Variants in ZMYM4 observed in about 807,000 individuals in gnomAD.
ZMYM4 encodes the protein zinc finger MYM-type protein 4.
ZMYM4 carries 31 observed loss-of-function variants against 183.2 expected under a neutral mutation model. The ratio of observed to expected loss-of-function variants is 0.17; its 90% CI spans 0.13 to 0.23. The LOEUF (loss-of-function observed/expected upper bound fraction) is 0.23. Among genes scored for constraint, ZMYM4 ranks in the 10% least tolerant of loss-of-function variants. The pLI, the probability that ZMYM4 is intolerant of heterozygous loss-of-function variation, is 1.00. For missense variants in ZMYM4, 1,273 were observed against 1,840.3 expected (o/e 0.69, Z 5.64); for synonymous variants, 592 against 631.2 (o/e 0.94, Z 0.93).
intron 26 of ZMYM4, among the ~76,000 whole-genome samples, chr1:35,409,145 C>T (rs769545171): frequency 5.8e-4 from 88 of 152,358 alleles, no homozygotes; most frequent in Admixed American, 9.1e-4. Flanking sequence ...AATATTCTAT[C>T]ATATGGATAT....
At chr1:35,372,466 C>A (rs1456287459) in intron 7 of ZMYM4, among the ~76,000 whole-genome samples, 1 of 152,086 alleles carries the variant, frequency 6.6e-6, no homozygotes, top group African/African-American at 2.4e-5. Flanking sequence ...AATATGGTGA[C>A]TGTAGTTAAT....
chr1:35,380,539 G>A (rs1016042287), intron 7 of ZMYM4, among the ~76,000 whole-genome samples: 4 of 152,102 alleles, frequency 2.6e-5, no homozygotes, highest in Non-Finnish European at 4.4e-5. Flanking sequence ...TGTTAGCCAG[G>A]ATGCTCTCGA....
At chr1:35,287,600 T>TTTTTA (rs912177984) in intron 1 of ZMYM4, among the ~76,000 whole-genome samples, 1 of 151,972 alleles carries the variant, frequency 6.6e-6, no homozygotes, top group East Asian at 1.9e-4. Context: ...TTTATTTTTA[T>TTTTTA]TTTTATTTTA....
At chr1:35,274,732 A>G (rs1188078198) in intron 1 of ZMYM4, among the ~76,000 whole-genome samples, 2 of 151,782 alleles carry the variant, frequency 1.3e-5, no homozygotes, top group African/African-American at 4.9e-5. Context: ...AATAATGATA[A>G]TACTTGGTAT....
intron 5 of ZMYM4, among the ~76,000 whole-genome samples, chr1:35,365,153 T>C (rs1331549295): frequency 6.6e-6 from 1 of 151,786 alleles, no homozygotes; most frequent in Non-Finnish European, 1.5e-5. Context: ...TTAACATTTA[T>C]AGGTGAGAGA....
In ZMYM4 at chr1:35,417,332, C is replaced by T. The variant is rs540752850; in HGVS notation, c.4310-1111C>T. 3.9e-5 allele frequency among the ~76,000 whole-genome samples: 6 copies of T among 152,092 alleles called. No homozygotes were observed. The South Asian group carries it at 8.3e-4, about 21-fold the overall frequency. ...TGGAAAAAGTGGGAAAGAAATAGCC[C>T]ACTTTCCGTATCTTCACCCTGACTT... On this transcript the variant is annotated intron_variant, in intron 28 of 29. Coordinates refer to ENST00000314607, the MANE Select transcript of ZMYM4 (RefSeq NM_005095.3).
intron 1 of ZMYM4, among the ~76,000 whole-genome samples, chr1:35,302,396 T>C (rs1641330804): frequency 7.1e-6 from 1 of 141,792 alleles, no homozygotes; most frequent in Admixed American, 7.0e-5. Flanking sequence ...TTTTTTTTTT[T>C]TTTTTTTGAG....
intron 1 of ZMYM4, among the ~76,000 whole-genome samples, chr1:35,301,919 G>A (rs573793240): frequency 2.0e-5 from 3 of 152,098 alleles, no homozygotes; most frequent in Admixed American, 6.6e-5. Context: ...GACTCACCTC[G>A]TTTGTTTCTC....
chr1:35,293,794 G>A (rs558503762), intron 1 of ZMYM4, among the ~76,000 whole-genome samples: 3 of 152,198 alleles, frequency 2.0e-5, no homozygotes, highest in South Asian at 2.1e-4. Context: ...CCTGGAGGTC[G>A]ATGCTAGGAA....
chr1:35,382,568 A>G (rs1267075290), intron 9 of ZMYM4, among the ~76,000 whole-genome samples: 2 of 149,238 alleles, frequency 1.3e-5, no homozygotes, highest in African/African-American at 2.5e-5. Context: ...TCAGCCTCCC[A>G]AGTAGCTAGG....
chr1:35,408,177 T>C lies in ZMYM4; in HGVS notation c.3948+18T>C, dbSNP rs761786042. Reference sequence around the variant, plus strand: ...TTCAACAGGTATCAAGTTAAACATATGGATTCTTCAACCTAGCAAATCCAT... The same window carrying C: ...TTCAACAGGTATCAAGTTAAACATACGGATTCTTCAACCTAGCAAATCCAT... On this transcript the variant is annotated intron_variant, in intron 26 of 29. Transcript: ENST00000314607. The C allele has an allele frequency of 1.2e-6, 2 of 1,613,676 alleles. No homozygotes were observed. Among genetic ancestry groups the C allele is most frequent in the Admixed American group, 3.3e-5 (2 of 60,010 alleles).
Position 35,419,564 on chromosome 1 carries a change from A to G in ZMYM4, c.4534A>G (p.Ile1512Val). ...CCCCATGTGGTACTCCACATTCCCG[A>G]TAGACCCTGGAACCCTGGACACCAT... Reference protein sequence around the residue: ...NSPMWYSTFPIDPGTLDTMLT... With the variant: ...NSPMWYSTFPVDPGTLDTMLT... The change falls in exon 30 of 30, where the codon ATA (isoleucine) becomes GTA (valine). Residue 1512 changes from isoleucine (I) to valine (V), a missense_variant. Around this residue, in one of 6 missense-constraint regions of ZMYM4, gnomAD observed 145 missense variants for 331.6 expected, o/e 0.44. Coordinates refer to ENST00000314607, the MANE Select transcript of ZMYM4 (RefSeq NM_005095.3). 2.5e-6 allele frequency: 4 copies of G among 1,614,108 alleles called. No homozygotes were observed. Among genetic ancestry groups the G allele is most frequent in the Non-Finnish European group, 3.4e-6 (4 of 1,180,024 alleles).
intron 29 of ZMYM4, among the ~76,000 whole-genome samples, chr1:35,419,015 A>C (rs1440611772): frequency 2.0e-5 from 3 of 152,152 alleles, no homozygotes; most frequent in Non-Finnish European, 4.4e-5. Flanking sequence ...TAATAGCTTC[A>C]TTTGCCCTTT....
intron 5 of ZMYM4, among the ~76,000 whole-genome samples, chr1:35,365,449 A>G (rs1472784595): frequency 6.6e-6 from 1 of 152,032 alleles, no homozygotes; most frequent in Non-Finnish European, 1.5e-5. Context: ...CTTCTTGTTC[A>G]TAATAATAGA....
chr1:35,372,008 A>T (rs1046354033), intron 7 of ZMYM4, among the ~76,000 whole-genome samples: 8 of 152,064 alleles, frequency 5.3e-5, no homozygotes, highest in African/African-American at 1.9e-4. Flanking sequence ...TTGTTTTGGG[A>T]CTATCTTTCA....
intron 2 of ZMYM4, among the ~76,000 whole-genome samples, chr1:35,342,335 A>AT (rs1195608969): frequency 2.0e-5 from 3 of 151,048 alleles, no homozygotes; most frequent in African/African-American, 7.3e-5. Flanking sequence ...TTTTATTTTT[A>AT]TTTTTTGTAG....
At chr1:35,304,107 C>T (rs12562663) in intron 1 of ZMYM4, among the ~76,000 whole-genome samples, 7,304 of 152,174 alleles carry the variant, frequency 0.048, 838 homozygotes, top group East Asian at 0.44. Flanking sequence ...TCACTGCAAC[C>T]TCCGCCTCCC....
chr1:35,418,301 C>G, intron 28 of ZMYM4, 142 bp from the exon 29 acceptor site: 1 of 811,900 alleles, frequency 1.2e-6, no homozygotes, highest in East Asian at 2.8e-5. Flanking sequence ...CATAGGCACT[C>G]AGTATTTGTT....
In ZMYM4 at chr1:35,271,142, A is replaced by C. The variant is rs183678166; in HGVS notation, c.39+2057A>C. Among the ~76,000 whole-genome samples the C allele has an allele frequency of 5.9e-5, 9 of 152,288 alleles. No homozygotes were observed. In the East Asian group the frequency reaches 1.5e-3, roughly 26 times the overall value. ...TCCACCAATGAAAATATACAGGGTA[A>C]ATTACTTAAGATATGTAATGTTAAT... On this transcript the variant is annotated intron_variant, in intron 1 of 29. Transcript: ENST00000314607.
Sources: allele counts gnomAD v4.1 joint callset (sites outside exome capture counted in the v4.1 genomes callset), GRCh38; gene constraint gnomAD v4.1.1; regional missense constraint gnomAD v4.1.1; transcripts MANE v1.5; gene names NCBI Gene and HGNC (gene_info 2026-07-23, HGNC 2026-07-21).